ZFYVE28: variants seen among roughly 807,000 people sequenced by gnomAD.
ZFYVE28 encodes lateral signaling target protein 2 homolog.
Under a neutral mutation model 82.1 loss-of-function variants are expected in ZFYVE28, and 40 were observed. That is an observed-to-expected ratio of 0.49 (90% CI 0.38 to 0.63). The LOEUF is 0.63. ZFYVE28 is among the 30% of genes least tolerant of loss of function. The probability of loss-of-function intolerance (pLI) is 0.00; values close to 1 mark genes in which losing one functional copy is unlikely to be tolerated. For synonymous variants in ZFYVE28, 612 were observed against 546.1 expected (o/e 1.12, Z -1.68); for missense variants, 1,321 against 1,242.1 (o/e 1.06, Z -0.96).
In ZFYVE28 at chr4:2,270,042, C is replaced by G. The variant is rs1244081827; in HGVS notation, c.*683G>C. On this transcript the variant is annotated 3_prime_UTR_variant, in exon 13 of 13. Coordinates refer to ENST00000290974, the MANE Select transcript of ZFYVE28 (RefSeq NM_020972.3). ...TCTGCCTGCGGTGTCAGTGCCTGGT[C>G]GGACCCCCATGCCATCAGCAAGGGG... is the stretch of plus-strand genomic sequence containing the variant. The G allele has an allele frequency of 1.3e-5, 2 of 152,448 alleles. No homozygotes were observed. Among genetic ancestry groups the G allele is most frequent in the African/African-American group, 4.8e-5 (2 of 41,446 alleles). The allele number at this position is 152,448 out of a possible 1,614,324, so 9.4% of individuals were successfully genotyped here.
chr4:2,346,145 G>A (rs368743796), intron 2 of ZFYVE28, among the ~76,000 whole-genome samples: 3 of 146,616 alleles, frequency 2.0e-5, no homozygotes, highest in Non-Finnish European at 3.0e-5. Flanking sequence ...TGGCTAATAC[G>A]GTGAAACCCC....
chr4:2,362,123 T>C lies in ZFYVE28; in HGVS notation c.40-8050A>G, dbSNP rs1172263370. 6.6e-6 allele frequency among the ~76,000 whole-genome samples: 1 copy of C among 151,750 alleles called. No individual in the cohort carries two copies. The highest frequency in any genetic ancestry group is 1.5e-5 in the Non-Finnish European group (1 of 67,932). On this transcript the variant is annotated intron_variant, in intron 1 of 12. Coordinates refer to ENST00000290974, the MANE Select transcript of ZFYVE28 (RefSeq NM_020972.3). This position sits in a 1 kb window ranked among gnomAD's most constrained non-coding sequence, Gnocchi z 5.1. ...CTCCCTACCCCTACAGCCCCCACAC[T>C]CAGCCGTGGAGACCCAGGTGTGTTT...
At chr4:2,360,000 T>C (rs1725886713) in intron 1 of ZFYVE28, among the ~76,000 whole-genome samples, 1 of 152,122 alleles carries the variant, frequency 6.6e-6, no homozygotes, top group African/African-American at 2.4e-5. Flanking sequence ...TCGGAGCCTT[T>C]ACCCACCCCG....
At chr4:2,296,896 G>A (rs1310581376) in intron 8 of ZFYVE28, among the ~76,000 whole-genome samples, 1 of 152,102 alleles carries the variant, frequency 6.6e-6, no homozygotes, top group Non-Finnish European at 1.5e-5. Context: ...GGCTGCCTGT[G>A]TCCTCTGAGC....
At chr4:2,404,594 A>G (rs3135071) in intron 1 of ZFYVE28, among the ~76,000 whole-genome samples, 134,998 of 152,276 alleles carry the variant, frequency 0.89, 59,957 homozygotes, top group Admixed American at 0.94. Flanking sequence ...GCCCCACAGC[A>G]TATGACTCCT....
rs574849710 is a variant in ZFYVE28 at position 2,330,348 on chromosome 4, G to A, written c.701+5357C>T. On this transcript the variant is annotated intron_variant, in intron 6 of 12. Transcript: ENST00000290974. ...GTGGGAGAGGGCTTGGGTGAGCGGT[G>A]CAGTGGTGGGGACATCGCAGAGGGA... 4 of 995,794 alleles carry A rather than the reference G, an allele frequency of 4.0e-6. No individual in the cohort carries two copies. In the South Asian group the frequency reaches 1.8e-4, roughly 44 times the overall value. The allele number at this position is 995,794 out of a possible 1,614,324, so 61.7% of individuals were successfully genotyped here.
chr4:2,313,777 A>G (rs1043628555), intron 7 of ZFYVE28, among the ~76,000 whole-genome samples: 1 of 150,976 alleles, frequency 6.6e-6, no homozygotes, highest in African/African-American at 2.4e-5. Flanking sequence ...CTGGGTTGCA[A>G]TTCAGAGGTT....
At chr4:2,344,043 A>G (rs1723175288) in intron 2 of ZFYVE28, among the ~76,000 whole-genome samples, 1 of 152,236 alleles carries the variant, frequency 6.6e-6, no homozygotes, top group Non-Finnish European at 1.5e-5. Context: ...CACAAAGGAC[A>G]GTGATCCCCA....
chr4:2,405,018 C>T (rs572326131), intron 1 of ZFYVE28, among the ~76,000 whole-genome samples: 85 of 152,238 alleles, frequency 5.6e-4, no homozygotes, highest in Middle Eastern at 3.4e-3. Flanking sequence ...AGGCGTAGGC[C>T]ACCATGCCCA....
chr4:2,288,008 ACTCC>A, intron 8 of ZFYVE28, among the ~76,000 whole-genome samples: 1 of 151,276 alleles, frequency 6.6e-6, no homozygotes, highest in Non-Finnish European at 1.5e-5. Flanking sequence ...TGTTTTTCAC[ACTCC>A]CTCCACCCCC....
chr4:2,292,304 G>A lies in ZFYVE28; in HGVS notation c.2051+11985C>T, dbSNP rs181113451. ...AGCTGGCAAAGCTCCCTACATCTTC[G>A]TCCAGGCAGCCATGGGCTGAACGAT... On this transcript the variant is annotated intron_variant, in intron 8 of 12. Coordinates refer to ENST00000290974, the MANE Select transcript of ZFYVE28 (RefSeq NM_020972.3). Among the ~76,000 whole-genome samples, 23 of 152,310 alleles carry A rather than the reference G, an allele frequency of 1.5e-4. No homozygotes were observed. In the East Asian group the frequency reaches 3.9e-3, roughly 26 times the overall value.
rs1715371577 is a variant in ZFYVE28 at position 2,300,687 on chromosome 4, C to G, written c.2051+3602G>C. On this transcript the variant is annotated intron_variant, in intron 8 of 12. Coordinates refer to ENST00000290974, the MANE Select transcript of ZFYVE28 (RefSeq NM_020972.3). This position sits in a 1 kb window ranked among gnomAD's most constrained non-coding sequence, Gnocchi z 4.6. ...GTCTGCCTGGCCAGAAACACAGGCT[C>G]CAGGGGTCTCGGGGGAATCTCACAG... Among the ~76,000 whole-genome samples the G allele has an allele frequency of 6.6e-6, 1 of 152,234 alleles. No individual in the cohort carries two copies. Among genetic ancestry groups the G allele is most frequent in the African/African-American group, 2.4e-5 (1 of 41,532 alleles).
At chr4:2,325,528 G>C (rs1236580188) in intron 6 of ZFYVE28, among the ~76,000 whole-genome samples, 25 of 151,264 alleles carry the variant, frequency 1.7e-4, no homozygotes, top group Admixed American at 1.6e-3. Flanking sequence ...AAAAACTTCA[G>C]TGGAAATGTA....
chr4:2,290,962 C>T (rs1182339994), intron 8 of ZFYVE28, among the ~76,000 whole-genome samples: 3 of 152,202 alleles, frequency 2.0e-5, no homozygotes, highest in Admixed American at 6.5e-5. Flanking sequence ...TTATGTTTTT[C>T]TTCGTAATTA....
chr4:2,407,413 G>A (rs1410271251), intron 1 of ZFYVE28, among the ~76,000 whole-genome samples: 1 of 151,840 alleles, frequency 6.6e-6, no homozygotes, highest in African/African-American at 2.4e-5. Flanking sequence ...TGTCCCCTTA[G>A]GCCCCTCAGA....
rs1019828627 is a variant in ZFYVE28, at chr4:2,372,650, C to T, written c.40-18577G>A. On this transcript the variant is annotated intron_variant, in intron 1 of 12. Transcript: ENST00000290974. This position sits in a 1 kb window ranked among gnomAD's most constrained non-coding sequence, Gnocchi z 5.2. ...AAGGGACCTGATGAGGGAGGGCCTG[C>T]GGCTGGGCACGGGTGGGCACTGGCT... 2.0e-5 allele frequency among the ~76,000 whole-genome samples: 3 copies of T among 152,098 alleles called. No individual in the cohort carries two copies. Among genetic ancestry groups the T allele is most frequent in the Non-Finnish European group, 2.9e-5 (2 of 68,008 alleles).
At chr4:2,365,151 G>C (rs1171186542) in intron 1 of ZFYVE28, among the ~76,000 whole-genome samples, 1 of 151,894 alleles carries the variant, frequency 6.6e-6, no homozygotes, top group Non-Finnish European at 1.5e-5. Flanking sequence ...ATGCGGCGGG[G>C]GGACGGGGAG....
At chr4:2,389,784 C>T (rs964530262) in intron 1 of ZFYVE28, among the ~76,000 whole-genome samples, 4 of 152,168 alleles carry the variant, frequency 2.6e-5, no homozygotes, top group African/African-American at 9.7e-5. Flanking sequence ...CTGCAGAGGT[C>T]CTGGCACCAA....
intron 8 of ZFYVE28, among the ~76,000 whole-genome samples, chr4:2,277,983 A>G (rs543550920): frequency 1.1e-4 from 16 of 152,342 alleles, no homozygotes; most frequent in African/African-American, 3.1e-4. Flanking sequence ...GGACCGACAT[A>G]CAGACCAATG....
Sources: gnomAD v4.1 joint callset for allele counts (sites outside exome capture counted in the v4.1 genomes callset) on GRCh38, gnomAD v4.1.1 for gene constraint, Gnocchi (gnomAD v3.1) non-coding constraint, MANE v1.5 for transcripts, NCBI Gene and HGNC (gene_info 2026-07-23, HGNC 2026-07-21) for gene names.